MAGI2: variants seen among roughly 807,000 people sequenced by gnomAD.
MAGI2 encodes the protein membrane associated guanylate kinase, WW and PDZ domain containing 2.
MAGI2 carries 35 observed loss-of-function variants against 133.3 expected under a neutral mutation model. The ratio of observed to expected loss-of-function variants is 0.26; its 90% CI spans 0.20 to 0.35. The LOEUF (loss-of-function observed/expected upper bound fraction) is 0.35. Among genes scored for constraint, MAGI2 ranks in the 10% least tolerant of loss-of-function variants. The pLI is 1.00. For synonymous variants in MAGI2, 729 were observed against 710.6 expected (o/e 1.03, Z -0.41); for missense variants, 1,636 against 1,863.4 (o/e 0.88, Z 2.25).
At chr7:78,745,272 G>T (rs1317259425) in intron 2 of MAGI2, among the ~76,000 whole-genome samples, 1 of 152,132 alleles carries the variant, frequency 6.6e-6, no homozygotes, top group Non-Finnish European at 1.5e-5. Flanking sequence ...GCTGCTAAGC[G>T]GTAGAGCTCA....
intron 1 of MAGI2, among the ~76,000 whole-genome samples, chr7:79,160,113 TA>T (rs1824210919): frequency 6.6e-6 from 1 of 152,086 alleles, no homozygotes; most frequent in Admixed American, 6.6e-5. Context: ...ATAGTCATGT[TA>T]AACCCTCTGG....
intron 20 of MAGI2, among the ~76,000 whole-genome samples, chr7:78,089,229 T>C (rs1242042192): frequency 1.3e-5 from 2 of 152,236 alleles, no homozygotes; most frequent in Admixed American, 6.5e-5. Context: ...CTAATGTACT[T>C]TCTCTCTTTC....
intron 1 of MAGI2, among the ~76,000 whole-genome samples, chr7:79,218,074 T>G (rs1431188219): frequency 1.3e-5 from 2 of 151,866 alleles, no homozygotes; most frequent in Non-Finnish European, 1.5e-5. Flanking sequence ...TGCAACCAAT[T>G]TAAGAAAAAT....
chr7:78,385,431 G>T (rs969362355), intron 6 of MAGI2, among the ~76,000 whole-genome samples: 1 of 152,136 alleles, frequency 6.6e-6, no homozygotes. Flanking sequence ...GAGAGATAAG[G>T]CAGGAAAATG....
chr7:78,474,495 T>C (rs1430188874), intron 6 of MAGI2, among the ~76,000 whole-genome samples: 1 of 151,944 alleles, frequency 6.6e-6, no homozygotes, highest in Non-Finnish European at 1.5e-5. Flanking sequence ...ATAATAGTGA[T>C]TGAGGATTGC....
intron 3 of MAGI2, among the ~76,000 whole-genome samples, chr7:78,573,281 T>TAA (rs1319308041): frequency 5.3e-5 from 3 of 56,760 alleles, no homozygotes; most frequent in African/African-American, 3.3e-4. Context: ...TAAATATATA[T>TAA]ATTTATATAA....
intron 2 of MAGI2, among the ~76,000 whole-genome samples, chr7:78,793,348 T>C (rs1401056693): frequency 6.6e-6 from 1 of 152,208 alleles, no homozygotes; most frequent in African/African-American, 2.4e-5. Context: ...TTTTGGTTTT[T>C]ACAACTTCCG....
intron 2 of MAGI2, among the ~76,000 whole-genome samples, chr7:78,928,621 TGCTTAGGTAG>T (rs1799887799): frequency 6.6e-6 from 1 of 152,050 alleles, no homozygotes; most frequent in Non-Finnish European, 1.5e-5. Context: ...AGAAGCAAGG[TGCTTAGGTAG>T]GCCCTCAATA....
At chr7:78,667,853 G>T (rs185052483) in intron 2 of MAGI2, among the ~76,000 whole-genome samples, 1 of 152,170 alleles carries the variant, frequency 6.6e-6, no homozygotes, top group African/African-American at 2.4e-5. Flanking sequence ...ATAAACATAC[G>T]TGTGCATGTG....
rs905936556 is a variant in MAGI2 at position 79,039,847 on chromosome 7, CATATATATTATAT to C, written c.302-32654_302-32642del. 7.7e-4 allele frequency among the ~76,000 whole-genome samples: 108 copies of C among 140,420 alleles called. 3 individuals carry two copies. In the East Asian group the frequency reaches 8.7e-3, roughly 11 times the overall value. The allele number at this position is 140,420 out of a possible 152,430, so 92.1% of individuals were successfully genotyped here. On this transcript the variant is annotated intron_variant, in intron 1 of 21. Transcript: ENST00000354212. ...TATTTCATTGTATATATTATATATA[CATATATATTATAT>C]ATATATAATATATATGTATATATAA... is the stretch of plus-strand genomic sequence containing the variant.
intron 16 of MAGI2, among the ~76,000 whole-genome samples, chr7:78,151,591 T>C (rs1028853485): frequency 1.3e-5 from 2 of 152,188 alleles, no homozygotes; most frequent in Non-Finnish European, 2.9e-5. Flanking sequence ...GTTAGGGTGC[T>C]CTCTCATCTG....
intron 7 of MAGI2, among the ~76,000 whole-genome samples, chr7:78,349,460 T>G (rs1376897639): frequency 6.6e-6 from 1 of 152,228 alleles, no homozygotes; most frequent in Non-Finnish European, 1.5e-5. Flanking sequence ...CTTTCTGGGA[T>G]GCAGTTATGC....
intron 1 of MAGI2, among the ~76,000 whole-genome samples, chr7:79,108,249 C>T (rs957872408): frequency 1.6e-4 from 24 of 152,126 alleles, no homozygotes; most frequent in African/African-American, 5.6e-4. Flanking sequence ...CTAGTCCTAT[C>T]AAGCTCACAA....
intron 1 of MAGI2, among the ~76,000 whole-genome samples, chr7:79,271,484 TA>T (rs1834873922): frequency 6.6e-6 from 1 of 152,134 alleles, no homozygotes; most frequent in African/African-American, 2.4e-5. Flanking sequence ...TCTGGCTTTA[TA>T]AAGCTTTTAT....
chr7:78,036,056 C>CGTGT (rs3840613), intron 21 of MAGI2, among the ~76,000 whole-genome samples: 8 of 150,998 alleles, frequency 5.3e-5, no homozygotes, highest in Non-Finnish European at 7.4e-5. Context: ...TGTGTGTCTG[C>CGTGT]GTGTGTGTGT....
At chr7:78,664,438 C>T (rs898236187) in intron 2 of MAGI2, among the ~76,000 whole-genome samples, 1 of 151,962 alleles carries the variant, frequency 6.6e-6, no homozygotes, top group African/African-American at 2.4e-5. Context: ...TATTGGCAGT[C>T]ATAACTTCCA....
chr7:78,622,186 C>G (rs1029905303), intron 3 of MAGI2, among the ~76,000 whole-genome samples: 2 of 152,004 alleles, frequency 1.3e-5, no homozygotes, highest in Non-Finnish European at 2.9e-5. Flanking sequence ...TCTTGCTGCT[C>G]TGGTTTGTGG....
chr7:78,427,752 A>G (rs539558040), intron 6 of MAGI2, among the ~76,000 whole-genome samples: 1 of 152,072 alleles, frequency 6.6e-6, no homozygotes, highest in East Asian at 1.9e-4. Flanking sequence ...TTTAATTTAT[A>G]TAAACTTCCA....
At chr7:78,741,335 A>G (rs1822397718) in intron 2 of MAGI2, among the ~76,000 whole-genome samples, 1 of 151,252 alleles carries the variant, frequency 6.6e-6, no homozygotes, top group African/African-American at 2.4e-5. Flanking sequence ...CTAGAACAAA[A>G]CAGAGAGGCC....
Sources: allele counts gnomAD v4.1 joint callset (sites outside exome capture counted in the v4.1 genomes callset), GRCh38; gene constraint gnomAD v4.1.1; transcripts MANE v1.5; gene names NCBI Gene and HGNC (gene_info 2026-07-23, HGNC 2026-07-21).